Variants in DENND2B observed in about 807,000 individuals in gnomAD.
The protein encoded by DENND2B is DENN domain containing 2B.
In DENND2B, 32 loss-of-function variants were observed where a neutral mutation model predicts 116.0. That is an observed-to-expected ratio of 0.28 (90% CI 0.21 to 0.37). DENND2B has a LOEUF of 0.37. Ranked by LOEUF, DENND2B falls within the 10% of genes least tolerant of loss-of-function variation. The pLI, the probability that DENND2B is intolerant of heterozygous loss-of-function variation, is 1.00. For synonymous variants in DENND2B, 588 were observed against 583.9 expected, an observed-to-expected ratio of 1.01 and a Z score of -0.10; for missense variants, 1,276 against 1,477.7, an observed-to-expected ratio of 0.86 and a Z score of 2.24.
At chr11:8,876,995 A>G (rs2063849531) in intron 2 of DENND2B, among the ~76,000 whole-genome samples, 1 of 151,816 alleles carries the variant, frequency 6.6e-6, no homozygotes, top group South Asian at 2.1e-4. Context: ...TGGCCTTTAG[A>G]CGGACAGGAG....
chr11:8,706,959 T>C, intron 13 of DENND2B, 126 bp downstream of exon 13: 1 of 1,235,806 alleles, frequency 8.1e-7, no homozygotes, highest in South Asian at 1.7e-5. Flanking sequence ...AGTGATGGGG[T>C]ACACAGACAT....
intron 4 of DENND2B, among the ~76,000 whole-genome samples, chr11:8,721,856 C>CG (rs1429974844): frequency 2.0e-5 from 3 of 152,250 alleles, no homozygotes; most frequent in Non-Finnish European, 4.4e-5. Context: ...GCCCGGTCCC[C>CG]GGCTTGCATC....
At chr11:8,793,330 A>G (rs1277110920) in intron 1 of DENND2B, among the ~76,000 whole-genome samples, 1 of 152,180 alleles carries the variant, frequency 6.6e-6, no homozygotes, top group African/African-American at 2.4e-5. Flanking sequence ...ATTAAGCAAT[A>G]ACTCCCCATT....
chr11:8,788,021 T>G (rs928061001), intron 1 of DENND2B, among the ~76,000 whole-genome samples: 1 of 152,070 alleles, frequency 6.6e-6, no homozygotes, highest in Non-Finnish European at 1.5e-5. Flanking sequence ...TCACTCTACC[T>G]TTAGTCCTGG....
chr11:8,838,405 G>A (rs926202061), intron 4 of DENND2B, among the ~76,000 whole-genome samples: 3 of 152,158 alleles, frequency 2.0e-5, no homozygotes, highest in African/African-American at 4.8e-5. Flanking sequence ...CACGTCCACC[G>A]CTCCTTCCAA....
chr11:8,821,074 C>T (rs902680534), intron 4 of DENND2B, among the ~76,000 whole-genome samples: 15 of 149,784 alleles, frequency 1.0e-4, no homozygotes, highest in African/African-American at 3.7e-4. Context: ...GAGCTGAGAT[C>T]GTGTTACTGC....
chr11:8,694,691 A>T (rs1021927936), intron 19 of DENND2B: 3 of 455,456 alleles, frequency 6.6e-6, no homozygotes, highest in Non-Finnish European at 1.3e-5. Context: ...GGGGGAAAAA[A>T]TGGATGGTGG....
At chr11:8,859,168 G>A (rs914656905) in intron 2 of DENND2B, among the ~76,000 whole-genome samples, 7 of 152,164 alleles carry the variant, frequency 4.6e-5, no homozygotes, top group Admixed American at 3.3e-4. Context: ...GCTTGATGAT[G>A]TACTGCTTTA....
At chr11:8,770,522 T>A (rs1429756980) in intron 1 of DENND2B, among the ~76,000 whole-genome samples, 1 of 152,174 alleles carries the variant, frequency 6.6e-6, no homozygotes, top group Non-Finnish European at 1.5e-5. Flanking sequence ...AACAGTATAA[T>A]CACCACCACC....
intron 1 of DENND2B, among the ~76,000 whole-genome samples, chr11:8,799,809 T>C (rs2060158392): frequency 6.6e-6 from 1 of 151,922 alleles, no homozygotes; most frequent in South Asian, 2.1e-4. Flanking sequence ...TCCTTTTTGC[T>C]AAGTGGCAAA....
Position 8,798,843 on chromosome 11 carries a change from T to C in DENND2B, c.-26+11674A>G, listed in dbSNP as rs1055738909. ...TTTCCGGTTGCTTTTTTTTTTTTTT[T>C]TTAGACGGAGTTTCACTCTTGTTGC... On this transcript the variant is annotated intron_variant, in intron 1 of 19. Transcript: ENST00000313726. Among the ~76,000 whole-genome samples, 27 of 151,746 alleles carry C rather than the reference T, an allele frequency of 1.8e-4. 1 individual carries two copies. The highest frequency in any genetic ancestry group is 9.2e-4 in the Admixed American group (14 of 15,254).
intron 1 of DENND2B, among the ~76,000 whole-genome samples, chr11:8,910,355 C>A (rs1003361678): frequency 2.0e-5 from 3 of 151,424 alleles, no homozygotes; most frequent in Non-Finnish European, 4.4e-5. Context: ...AAAATGTAGA[C>A]CAAGCAGAAA....
chr11:8,709,097 A>G (rs1184496949), intron 11 of DENND2B, among the ~76,000 whole-genome samples: 1 of 152,232 alleles, frequency 6.6e-6, no homozygotes, highest in Non-Finnish European at 1.5e-5. Context: ...GGGAGGGAGC[A>G]GAGCAGCAGG....
At position 8,754,029 on chromosome 11, in the gene DENND2B, G is replaced by GCGCACACACACACACACA. The variant is rs146486674; in HGVS notation, c.-25-3305_-25-3304insTGTGTGTGTGTGTGTGCG. ...TTCTTAGATATAACACCAAAAGCGCGCACACACACACACACACACACACAC... is the reference window on the plus strand; with the variant it reads ...TTCTTAGATATAACACCAAAAGCGCGCGCACACACACACACACACACACACACACACACACACACACAC... On this transcript the variant is annotated intron_variant, in intron 1 of 19. Coordinates refer to ENST00000313726, the MANE Select transcript of DENND2B (RefSeq NM_213618.2). Among the ~76,000 whole-genome samples, 1,303 of 138,772 alleles carry GCGCACACACACACACACA rather than the reference G, an allele frequency of 9.4e-3. 18 individuals are homozygous for GCGCACACACACACACACA. Among genetic ancestry groups the GCGCACACACACACACACA allele is most frequent in the African/African-American group, 0.025 (926 of 36,580 alleles). 91.0% of individuals were successfully genotyped at this position (138,772 alleles called of 152,430 possible).
intron 16 of DENND2B, among the ~76,000 whole-genome samples, chr11:8,698,536 C>G (rs1001250248): frequency 2.6e-5 from 4 of 152,220 alleles, no homozygotes; most frequent in Non-Finnish European, 4.4e-5. Flanking sequence ...GATTGCAAAC[C>G]TGTACGTTAC....
intron 11 of DENND2B, among the ~76,000 whole-genome samples, chr11:8,709,118 TC>T (rs958120090): frequency 1.3e-5 from 2 of 152,162 alleles, no homozygotes; most frequent in Admixed American, 6.5e-5. Flanking sequence ...TGCTGGCCCC[TC>T]GTGCAGGCTG....
chr11:8,746,068 G>A (rs1246549112), intron 2 of DENND2B, among the ~76,000 whole-genome samples: 2 of 151,576 alleles, frequency 1.3e-5, no homozygotes, highest in Admixed American at 6.6e-5. Context: ...CATCATGGTT[G>A]GATTCTAGGA....
At chr11:8,905,355 T>A (rs951312650) in intron 1 of DENND2B, among the ~76,000 whole-genome samples, 1 of 152,040 alleles carries the variant, frequency 6.6e-6, no homozygotes, top group Non-Finnish European at 1.5e-5. Context: ...AAGAAATGAA[T>A]CTAGACCCTT....
At chr11:8,696,877 G>C (rs2040456312) in intron 17 of DENND2B, among the ~76,000 whole-genome samples, 1 of 152,178 alleles carries the variant, frequency 6.6e-6, no homozygotes, top group Admixed American at 6.5e-5. Flanking sequence ...TCCGCCTCCT[G>C]GGTTCAAGCA....
Sources: allele counts gnomAD v4.1 joint callset (sites outside exome capture counted in the v4.1 genomes callset), GRCh38; gene constraint gnomAD v4.1.1; transcripts MANE v1.5; gene names NCBI Gene and HGNC (gene_info 2026-07-23, HGNC 2026-07-21).